ETV6: variants seen among roughly 807,000 people sequenced by gnomAD.
ETV6 encodes the protein transcription factor ETV6.
A neutral mutation model predicts 51.1 loss-of-function variants in ETV6; 16 were observed. The observed-to-expected ratio is 0.31, with a 90% CI of 0.21 to 0.48. The LOEUF (loss-of-function observed/expected upper bound fraction) is 0.48. Ranked by LOEUF, ETV6 falls within the 20% of genes least tolerant of loss-of-function variation. The pLI is 0.99. For missense variants in ETV6, 458 were observed against 594.8 expected, an observed-to-expected ratio of 0.77 and a Z score of 2.39; for synonymous variants, 240 against 224.1, an observed-to-expected ratio of 1.07 and a Z score of -0.64.
chr12:11,828,787 C>T (rs1946199346), intron 2 of ETV6, among the ~76,000 whole-genome samples: 1 of 152,172 alleles, frequency 6.6e-6, no homozygotes, highest in East Asian at 1.9e-4. Context: ...GTCCCCTCCC[C>T]ATTATCTTTT....
chr12:11,697,718 G>GA (rs1864904544), intron 1 of ETV6, among the ~76,000 whole-genome samples: 1 of 152,216 alleles, frequency 6.6e-6, no homozygotes, highest in South Asian at 2.1e-4. Flanking sequence ...CCATTTGTGA[G>GA]AGGAGTAATT....
chr12:11,862,331 A>G (rs1331349100), intron 4 of ETV6, among the ~76,000 whole-genome samples: 1 of 152,172 alleles, frequency 6.6e-6, no homozygotes. Flanking sequence ...CAGTTAGTGG[A>G]AAGACTCCAA....
chr12:11,805,015 T>C (rs1945808754), intron 2 of ETV6, among the ~76,000 whole-genome samples: 1 of 152,186 alleles, frequency 6.6e-6, no homozygotes, highest in Admixed American at 6.5e-5. Context: ...TGCTCCCTCC[T>C]GAACTTGGCG....
intron 2 of ETV6, among the ~76,000 whole-genome samples, chr12:11,761,164 GT>G (rs1387837066): frequency 6.6e-6 from 1 of 152,062 alleles, no homozygotes; most frequent in Non-Finnish European, 1.5e-5. Context: ...GCAAATGAAA[GT>G]TGTTTCATTC....
chr12:11,653,932 C>T (rs917201075), intron 1 of ETV6, among the ~76,000 whole-genome samples: 2 of 152,078 alleles, frequency 1.3e-5, no homozygotes, highest in Admixed American at 6.5e-5. Context: ...CCTGCCTCAG[C>T]CTCCCAAGTA....
chr12:11,874,474 G>A lies in ETV6; in HGVS notation c.1009+4505G>A, dbSNP rs1244840219. ...TGCGTATGTATATATACACACACACGTGTATGTGCGTGTGTACACACATAT... is the reference window on the plus strand; with the variant it reads ...TGCGTATGTATATATACACACACACATGTATGTGCGTGTGTACACACATAT... On this transcript the variant is annotated intron_variant, in intron 5 of 7. Transcript: ENST00000396373. 3.0e-5 allele frequency among the ~76,000 whole-genome samples: 4 copies of A among 132,036 alleles called. 2 individuals carry two copies. The highest frequency in any genetic ancestry group is 1.2e-4 in the African/African-American group (4 of 34,198). 86.6% of individuals were successfully genotyped at this position (132,036 alleles called of 152,430 possible). A position where few individuals can be genotyped will look rare whatever the true frequency, so the allele number is the denominator to read the frequency against.
At chr12:11,707,562 G>A (rs1028969820) in intron 1 of ETV6, among the ~76,000 whole-genome samples, 2 of 152,210 alleles carry the variant, frequency 1.3e-5, no homozygotes, top group African/African-American at 2.4e-5. Flanking sequence ...AAGCATGGGT[G>A]TTCTCAGATT....
chr12:11,867,522 G>A (rs1946807120), intron 4 of ETV6, among the ~76,000 whole-genome samples: 1 of 151,950 alleles, frequency 6.6e-6, no homozygotes, highest in Non-Finnish European at 1.5e-5. Context: ...TTTTAATATT[G>A]TGAACAATAT....
At chr12:11,734,732 C>T (rs1865670429) in intron 1 of ETV6, among the ~76,000 whole-genome samples, 1 of 152,054 alleles carries the variant, frequency 6.6e-6, no homozygotes, top group Non-Finnish European at 1.5e-5. Flanking sequence ...TGCTATTACT[C>T]CATTTTATAG....
intron 2 of ETV6, among the ~76,000 whole-genome samples, chr12:11,773,325 AT>A (rs905131547): frequency 7.6e-4 from 115 of 151,200 alleles, no homozygotes; most frequent in African/African-American, 2.3e-3. Context: ...ATATATATAA[AT>A]TTTTTTTTAA....
At chr12:11,702,033 T>C (rs981915819) in intron 1 of ETV6, among the ~76,000 whole-genome samples, 30 of 152,262 alleles carry the variant, frequency 2.0e-4, no homozygotes, top group African/African-American at 7.2e-4. Context: ...ATGCTAAGGA[T>C]TGGGGTACAG....
intron 1 of ETV6, among the ~76,000 whole-genome samples, chr12:11,710,714 G>A (rs1172421070): frequency 6.6e-6 from 1 of 152,218 alleles, no homozygotes; most frequent in African/African-American, 2.4e-5. Flanking sequence ...TGGAGCTGAT[G>A]CAGGCTAATG....
chr12:11,669,422 C>CT (rs1165758675), intron 1 of ETV6, among the ~76,000 whole-genome samples: 1 of 145,386 alleles, frequency 6.9e-6, no homozygotes, highest in Non-Finnish European at 1.5e-5. Context: ...TTCCTCCTTC[C>CT]TTTCTTCCTT....
chr12:11,684,435 T>C (rs897279988), intron 1 of ETV6, among the ~76,000 whole-genome samples: 2 of 152,250 alleles, frequency 1.3e-5, no homozygotes, highest in African/African-American at 4.8e-5. Flanking sequence ...GTTAAATAGA[T>C]GGAATATTAC....
chr12:11,807,248 A>G (rs542784495), intron 2 of ETV6, among the ~76,000 whole-genome samples: 3 of 152,376 alleles, frequency 2.0e-5, no homozygotes, highest in Admixed American at 6.5e-5. Flanking sequence ...CGTCTACTTA[A>G]TTTTGATCTT....
At chr12:11,712,365 C>A (rs1419895773) in intron 1 of ETV6, among the ~76,000 whole-genome samples, 1 of 152,146 alleles carries the variant, frequency 6.6e-6, no homozygotes, top group East Asian at 1.9e-4. Context: ...TAACAGAGGT[C>A]CTGTGTGGAA....
intron 6 of ETV6, 34 bp from the exon 7 acceptor site, chr12:11,885,892 G>C: frequency 6.7e-7 from 1 of 1,495,448 alleles, no homozygotes; most frequent in African/African-American, 1.4e-5. Flanking sequence ...GTGTCTTTGT[G>C]CTTTTTTTCT....
intron 2 of ETV6, among the ~76,000 whole-genome samples, chr12:11,788,002 C>T (rs193300862): frequency 5.9e-5 from 9 of 152,288 alleles, no homozygotes; most frequent in South Asian, 2.1e-4. Flanking sequence ...ACATTAATTA[C>T]GGGAGTAAAG....
chr12:11,704,884 A>T (rs892964207), intron 1 of ETV6, among the ~76,000 whole-genome samples: 1 of 152,202 alleles, frequency 6.6e-6, no homozygotes. Flanking sequence ...AGATCTTGCC[A>T]TTTGCCACAA....
Sources: allele counts gnomAD v4.1 joint callset (sites outside exome capture counted in the v4.1 genomes callset), GRCh38; gene constraint gnomAD v4.1.1; transcripts MANE v1.5; gene names NCBI Gene and HGNC (gene_info 2026-07-23, HGNC 2026-07-21).